The following STPG2 variants were observed in gnomAD, a reference collection of about 807,000 sequenced individuals.
The protein encoded by STPG2 is sperm-tail PG-rich repeat-containing protein 2.
STPG2 carries 56 observed loss-of-function variants against 54.2 expected under a neutral mutation model. That is an observed-to-expected ratio of 1.03 (90% CI 0.83 to 1.29). The LOEUF (loss-of-function observed/expected upper bound fraction) is 1.29. Ranked by LOEUF, STPG2 falls within the 50% of genes most tolerant of loss-of-function variation. STPG2 has a pLI of 0.00. For missense variants in STPG2, 596 were observed against 544.9 expected, an observed-to-expected ratio of 1.09 and a Z score of -0.93; for synonymous variants, 200 against 181.8, an observed-to-expected ratio of 1.10 and a Z score of -0.81.
At chr4:98,040,132 ATGTC>A (rs1232108297) in intron 5 of STPG2, among the ~76,000 whole-genome samples, 1 of 151,810 alleles carries the variant, frequency 6.6e-6, no homozygotes, top group Non-Finnish European at 1.5e-5. Context: ...CTTTTGAAAA[ATGTC>A]TCTTTATGCC....
At chr4:97,955,300 C>T (rs951519846) in intron 7 of STPG2, among the ~76,000 whole-genome samples, 1 of 151,628 alleles carries the variant, frequency 6.6e-6, no homozygotes, top group Non-Finnish European at 1.5e-5. Context: ...CGGCTTGCTC[C>T]ACCTTATGGG....
At chr4:97,759,568 G>A (rs1725828543) in intron 9 of STPG2, among the ~76,000 whole-genome samples, 1 of 152,104 alleles carries the variant, frequency 6.6e-6, no homozygotes, top group Non-Finnish European at 1.5e-5. Context: ...AATATTGCAA[G>A]GTCAGGAAGT....
chr4:98,120,579 T>C (rs910052226), intron 3 of STPG2, among the ~76,000 whole-genome samples: 1 of 152,194 alleles, frequency 6.6e-6, no homozygotes, highest in Non-Finnish European at 1.5e-5. Context: ...CATCTGTTGT[T>C]TCTTGACTTT....
chr4:97,532,590 A>G (rs746262649), intron 4 of STPG2, among the ~76,000 whole-genome samples: 8 of 152,230 alleles, frequency 5.3e-5, no homozygotes, highest in Admixed American at 1.3e-4. Context: ...GCTTCTTGAA[A>G]GACATCCTGA....
intron 4 of STPG2, among the ~76,000 whole-genome samples, chr4:97,531,353 G>A (rs1454460541): frequency 1.3e-5 from 2 of 152,144 alleles, no homozygotes; most frequent in African/African-American, 4.8e-5. Flanking sequence ...TCTCACTGCT[G>A]TGTATATCCC....
intron 5 of STPG2, among the ~76,000 whole-genome samples, chr4:98,086,810 A>T (rs574770333): frequency 4.6e-5 from 7 of 152,044 alleles, no homozygotes; most frequent in African/African-American, 1.7e-4. Flanking sequence ...TCCTCCTCCC[A>T]TTCTTTCCCT....
intron 8 of STPG2, among the ~76,000 whole-genome samples, chr4:97,850,296 A>AG: frequency 7.9e-6 from 1 of 126,006 alleles, no homozygotes; most frequent in African/African-American, 2.7e-5. Flanking sequence ...GGGGAGGGAA[A>AG]GAAAAATAAA....
intron 9 of STPG2, among the ~76,000 whole-genome samples, chr4:97,816,601 G>A (rs1727918568): frequency 6.6e-6 from 1 of 152,110 alleles, no homozygotes; most frequent in Non-Finnish European, 1.5e-5. Flanking sequence ...GGTAGACTGA[G>A]TAAAGCAGAT....
chr4:97,687,197 G>A (rs935470203), intron 10 of STPG2, among the ~76,000 whole-genome samples: 11 of 151,866 alleles, frequency 7.2e-5, no homozygotes, highest in African/African-American at 1.2e-4. Flanking sequence ...TGATCCACCC[G>A]CCTCGGCCTC....
chr4:97,602,445 C>A (rs1025305471), intron 10 of STPG2, among the ~76,000 whole-genome samples: 8 of 151,756 alleles, frequency 5.3e-5, no homozygotes, highest in Non-Finnish European at 3.0e-5. Context: ...AAGATAGTGC[C>A]TCTATTACTT....
At chr4:97,878,245 T>G (rs1459614118) in intron 8 of STPG2, among the ~76,000 whole-genome samples, 1 of 152,184 alleles carries the variant, frequency 6.6e-6, no homozygotes. Context: ...TAGGAGGATC[T>G]ACCATTCTGA....
chr4:98,019,833 T>A (rs1736112119), intron 5 of STPG2, among the ~76,000 whole-genome samples: 1 of 118,796 alleles, frequency 8.4e-6, no homozygotes, highest in Non-Finnish European at 1.8e-5. Context: ...GTTGTTGGTG[T>A]ATAAGAATGT....
At chr4:97,491,092 C>T (rs1396888471) in intron 4 of STPG2, among the ~76,000 whole-genome samples, 1 of 151,380 alleles carries the variant, frequency 6.6e-6, no homozygotes, top group Non-Finnish European at 1.5e-5. Context: ...GTGTTAACCT[C>T]ATCTTGACTG....
At chr4:98,017,796 C>G (rs1405048815) in intron 5 of STPG2, among the ~76,000 whole-genome samples, 1 of 152,106 alleles carries the variant, frequency 6.6e-6, no homozygotes, top group African/African-American at 2.4e-5. Context: ...TGGTTTCCCC[C>G]ATGCTATTCT....
chr4:97,900,249 C>T (rs1269900525), intron 8 of STPG2, among the ~76,000 whole-genome samples: 2 of 152,018 alleles, frequency 1.3e-5, no homozygotes, highest in East Asian at 3.9e-4. Context: ...GTCAGAATGG[C>T]TATTGTTAAA....
At chr4:97,521,960 T>C (rs2148847550) in intron 4 of STPG2, among the ~76,000 whole-genome samples, 1 of 151,972 alleles carries the variant, frequency 6.6e-6, no homozygotes, top group African/African-American at 2.4e-5. Flanking sequence ...AAAATCCAAG[T>C]ATATCTTATT....
chr4:97,639,366 G>T (rs1009569969), intron 10 of STPG2, among the ~76,000 whole-genome samples: 4 of 151,414 alleles, frequency 2.6e-5, no homozygotes, highest in African/African-American at 7.3e-5. Context: ...AGGGGGGAGG[G>T]ATGGCATTGG....
intron 9 of STPG2, among the ~76,000 whole-genome samples, chr4:97,755,514 A>C (rs1208013277): frequency 6.6e-6 from 1 of 152,146 alleles, no homozygotes; most frequent in Non-Finnish European, 1.5e-5. Flanking sequence ...AGGACTATAA[A>C]TTGCCAATTT....
intron 10 of STPG2, among the ~76,000 whole-genome samples, chr4:97,582,869 T>C (rs866005667): frequency 6.6e-6 from 1 of 152,036 alleles, no homozygotes; most frequent in African/African-American, 2.4e-5. Flanking sequence ...TGAAATGCTA[T>C]CATAAGCTGG....
Sources: allele counts gnomAD v4.1 joint callset (sites outside exome capture counted in the v4.1 genomes callset), GRCh38; gene constraint gnomAD v4.1.1; transcripts MANE v1.5; gene names NCBI Gene and HGNC (gene_info 2026-07-23, HGNC 2026-07-21).